The following CEP41 variants were observed in gnomAD, a reference collection of about 807,000 sequenced individuals.
CEP41 encodes the protein centrosomal protein 41.
A neutral mutation model predicts 44.3 loss-of-function variants in CEP41; 32 were observed. The observed-to-expected ratio is 0.72, with a 90% CI of 0.54 to 0.97. CEP41 has a LOEUF of 0.97. Among genes scored for constraint, CEP41 ranks in the 50% least tolerant of loss-of-function variants. CEP41 has a pLI of 0.00. For synonymous variants in CEP41, 151 were observed against 168.5 expected (o/e 0.90, Z 0.80); for missense variants, 432 against 455.2 (o/e 0.95, Z 0.46).
chr7:130,404,919 G>A (rs2117575892), intron 5 of CEP41, among the ~76,000 whole-genome samples: 1 of 152,288 alleles, frequency 6.6e-6, no homozygotes, highest in South Asian at 2.1e-4. Flanking sequence ...CTATTTTCAT[G>A]AGATGTTACT....
chr7:130,404,810 A>T, intron 5 of CEP41, 102 bp from the exon 6 acceptor site: 1 of 981,640 alleles, frequency 1.0e-6, no homozygotes, highest in Non-Finnish European at 1.6e-6. Flanking sequence ...TCTTATCATC[A>T]TTATTAAATT....
chr7:130,405,824 T>G (rs1395687973), intron 5 of CEP41, among the ~76,000 whole-genome samples: 1 of 152,220 alleles, frequency 6.6e-6, no homozygotes, highest in Non-Finnish European at 1.5e-5. Context: ...TTGTCAAGTT[T>G]TATCTGAAAG....
intron 1 of CEP41, among the ~76,000 whole-genome samples, chr7:130,436,773 C>G (rs1247503650): frequency 1.3e-5 from 2 of 152,086 alleles, no homozygotes; most frequent in African/African-American, 4.8e-5. Flanking sequence ...GTGGCTCACA[C>G]CTGTAATCCC....
At chr7:130,434,261 C>T (rs1797900702) in intron 1 of CEP41, among the ~76,000 whole-genome samples, 1 of 152,062 alleles carries the variant, frequency 6.6e-6, no homozygotes, top group Non-Finnish European at 1.5e-5. Flanking sequence ...TCTCATTCCC[C>T]ACAACCACTG....
chr7:130,441,150 C>T (rs1554427796), upstream of CEP41: 10 of 727,542 alleles, frequency 1.4e-5, no homozygotes, highest in Non-Finnish European at 2.2e-5. Context: ...AAGGGCAAGA[C>T]GCCGCTCAAT....
At chr7:130,440,477 A>T (rs1237174559) in intron 1 of CEP41, 2 of 295,064 alleles carry the variant, frequency 6.8e-6, no homozygotes, top group African/African-American at 2.2e-5. Flanking sequence ...TCCTATGGAG[A>T]GAGGGGTAAG....
chr7:130,399,713 G>A (rs1246923949), intron 10 of CEP41: 10 of 299,854 alleles, frequency 3.3e-5, no homozygotes, highest in East Asian at 1.7e-4. Context: ...CCACCTACTC[G>A]GGAGGCTGAT....
At chr7:130,439,572 TCTA>T (rs1798077875) in intron 1 of CEP41, among the ~76,000 whole-genome samples, 1 of 152,144 alleles carries the variant, frequency 6.6e-6, no homozygotes, top group Admixed American at 6.5e-5. Flanking sequence ...CATTTTATTC[TCTA>T]CTTCTATGAG....
intron 1 of CEP41, among the ~76,000 whole-genome samples, chr7:130,432,216 A>G (rs900679487): frequency 2.6e-5 from 4 of 152,286 alleles, no homozygotes; most frequent in African/African-American, 9.6e-5. Flanking sequence ...ATCAGTTGAA[A>G]GGCTATCGTG....
intron 6 of CEP41, among the ~76,000 whole-genome samples, chr7:130,404,020 C>T (rs181311206): frequency 9.2e-5 from 14 of 152,262 alleles, no homozygotes; most frequent in Admixed American, 4.6e-4. Context: ...AAGTACTACA[C>T]GGACTAAAGT....
intron 2 of CEP41, among the ~76,000 whole-genome samples, chr7:130,427,475 C>T (rs1424807913): frequency 1.3e-5 from 2 of 152,150 alleles, no homozygotes; most frequent in Non-Finnish European, 2.9e-5. Flanking sequence ...TGAATCTAAA[C>T]TCTTTAACTA....
At chr7:130,423,100 C>A (rs1024246039) in intron 2 of CEP41, among the ~76,000 whole-genome samples, 1 of 152,128 alleles carries the variant, frequency 6.6e-6, no homozygotes, top group Non-Finnish European at 1.5e-5. Context: ...GTGCACGCTG[C>A]CATGCCTGGC....
At chr7:130,420,432 C>T (rs1554421959) in intron 2 of CEP41, 1 of 150,694 alleles carries the variant, frequency 6.6e-6, no homozygotes, top group South Asian at 2.1e-4. Flanking sequence ...GCCAGGAGTT[C>T]AAGACCACCC....
At position 130,438,089 on chromosome 7, in the gene CEP41, A is replaced by G. The variant is rs376110248; in HGVS notation, c.33+2845T>C. Among the ~76,000 whole-genome samples the G allele has an allele frequency of 9.2e-5, 14 of 152,196 alleles. No individual in the cohort carries two copies. The East Asian group carries it at 1.2e-3, about 13-fold the overall frequency. ...AACTATTCCTCCTTTTCGTTCTCCC[A>G]TATTCTTGATCTCACTCATGGCGCC... On this transcript the variant is annotated intron_variant, in intron 1 of 10. Coordinates refer to ENST00000223208, the MANE Select transcript of CEP41 (RefSeq NM_018718.3).
chr7:130,399,126 T>C (rs1292520097), intron 10 of CEP41, 87 bp from the exon 11 acceptor site: 3 of 1,533,480 alleles, frequency 2.0e-6, no homozygotes, highest in African/African-American at 1.4e-5. Context: ...AATGAAGTCC[T>C]AGCCTACAAC....
chr7:130,423,398 T>A (rs1328605899), intron 2 of CEP41, among the ~76,000 whole-genome samples: 1 of 152,084 alleles, frequency 6.6e-6, no homozygotes, highest in African/African-American at 2.4e-5. Context: ...ATTAGGAACA[T>A]GAAAATCAAA....
rs1796887162 is a variant in CEP41, at chr7:130,402,666, G to T, written c.556C>A (p.Gln186Lys). ...LDVRDRDSYQ[Q>K]CHIVGAYSYP... ...CTCTTACCTCCAACAATGTGGCACT[G>T]CTGGTAAGAATCTCTATCACGCACA... Residue 186 changes from glutamine (Q) to lysine (K), a missense_variant, in exon 7 of 11, where the codon CAG becomes AAG. By Grantham distance (53) the Gln-to-Lys change is moderately conservative (BLOSUM62 1). Coordinates refer to ENST00000223208, the MANE Select transcript of CEP41 (RefSeq NM_018718.3). 1.2e-5 allele frequency: 19 copies of T among 1,614,160 alleles called. No homozygotes were observed. Among genetic ancestry groups the T allele is most frequent in the East Asian group, 2.2e-5 (1 of 44,874 alleles).
intron 1 of CEP41, 52 bp from the exon 2 acceptor site, chr7:130,428,070 A>G (rs782062021): frequency 2.8e-5 from 35 of 1,232,526 alleles, no homozygotes; most frequent in Non-Finnish European, 4.0e-5. Context: ...GGATAACGAT[A>G]AGGTAAAGTC....
chr7:130,433,779 G>A (rs577574197), intron 1 of CEP41, among the ~76,000 whole-genome samples: 2 of 152,232 alleles, frequency 1.3e-5, no homozygotes, highest in Admixed American at 6.5e-5. Context: ...CCATTCACAC[G>A]TCTTACTCCT....
Sources: gnomAD v4.1 joint callset for allele counts (sites outside exome capture counted in the v4.1 genomes callset) on GRCh38, gnomAD v4.1.1 for gene constraint, MANE v1.5 for transcripts, NCBI Gene and HGNC (gene_info 2026-07-23, HGNC 2026-07-21) for gene names.